The following TENM3 variants were observed in gnomAD, a reference collection of about 807,000 sequenced individuals.
TENM3 encodes the protein teneurin-3.
TENM3 carries 63 observed loss-of-function variants against 255.1 expected under a neutral mutation model. The observed-to-expected ratio is 0.25, with a 90% CI of 0.20 to 0.30. The LOEUF (loss-of-function observed/expected upper bound fraction) is 0.30, where lower values mean the gene tolerates loss of function less well. Among genes scored for constraint, TENM3 ranks in the 10% least tolerant of loss-of-function variants. TENM3 has a pLI of 1.00. For synonymous variants in TENM3, 1,306 were observed against 1,322.3 expected, an observed-to-expected ratio of 0.99 and a Z score of 0.27; for missense variants, 2,929 against 3,461.1, an observed-to-expected ratio of 0.85 and a Z score of 3.86.
At position 182,722,941 on chromosome 4, in the gene TENM3, C is replaced by T. The variant is rs113672820; in HGVS notation, c.2369-6024C>T. Among the ~76,000 whole-genome samples the T allele has an allele frequency of 3.1e-3, 479 of 152,264 alleles. 1 individual carries two copies. Among genetic ancestry groups the T allele is most frequent in the African/African-American group, 0.011 (452 of 41,552 alleles). On this transcript the variant is annotated intron_variant, in intron 13 of 27. Transcript: ENST00000511685. ...GGAAGAGACGAGGAGTCCAGGATAA[C>T]GTTCAGGTTTCTATGAGAAGCTGAG...
chr4:182,787,672 C>CA (rs1223508018), intron 24 of TENM3, among the ~76,000 whole-genome samples: 1 of 141,602 alleles, frequency 7.1e-6, no homozygotes, highest in African/African-American at 2.6e-5. Context: ...GAGGCGGAGG[C>CA]TGCAGTGAGC....
At chr4:181,650,421 T>C in the TENM3 span, among the ~76,000 whole-genome samples, 6 of 152,208 alleles carry the variant, frequency 3.9e-5, no homozygotes, top group African/African-American at 1.4e-4. Context: ...CATGTAGGGC[T>C]TGTTAGACCT....
intron 3 of TENM3, among the ~76,000 whole-genome samples, chr4:182,418,292 T>C (rs543442145): frequency 3.3e-5 from 5 of 152,324 alleles, no homozygotes; most frequent in African/African-American, 1.2e-4. Context: ...AGCAAGTCAG[T>C]ATAACAAGTC....
intron 1 of TENM3, among the ~76,000 whole-genome samples, chr4:182,303,752 G>A (rs1336513080): frequency 6.6e-6 from 1 of 152,030 alleles, no homozygotes; most frequent in Admixed American, 6.6e-5. Flanking sequence ...CATGTAAAGT[G>A]GACATTTAAT....
At chr4:182,219,606 A>G (rs899127321) in intron 1 of TENM3, among the ~76,000 whole-genome samples, 5 of 152,148 alleles carry the variant, frequency 3.3e-5, no homozygotes, top group Admixed American at 6.5e-5. Flanking sequence ...CTGAGGCTGC[A>G]GTGAGTCATC....
At chr4:182,022,384 G>A in the TENM3 span, among the ~76,000 whole-genome samples, 4 of 152,086 alleles carry the variant, frequency 2.6e-5, no homozygotes, top group African/African-American at 7.2e-5. Flanking sequence ...CAGACACTGG[G>A]CATGTTAAAA....
the TENM3 span, among the ~76,000 whole-genome samples, chr4:181,785,666 A>G: frequency 5.3e-5 from 8 of 152,072 alleles, no homozygotes; most frequent in Non-Finnish European, 1.0e-4. Context: ...ATGCTTAGCT[A>G]GTGAGTATAA....
the TENM3 span, among the ~76,000 whole-genome samples, chr4:181,602,265 A>G: frequency 6.6e-6 from 1 of 152,228 alleles, no homozygotes; most frequent in Non-Finnish European, 1.5e-5. Flanking sequence ...ATTTAAAAGA[A>G]ATTCCATTGA....
At chr4:181,974,543 G>A in the TENM3 span, among the ~76,000 whole-genome samples, 2 of 151,980 alleles carry the variant, frequency 1.3e-5, no homozygotes, top group South Asian at 4.2e-4. Flanking sequence ...ACTCCAGCCT[G>A]GGCAACAGAG....
chr4:181,888,192 G>A, the TENM3 span, among the ~76,000 whole-genome samples: 1 of 151,742 alleles, frequency 6.6e-6, no homozygotes, highest in East Asian at 1.9e-4. Flanking sequence ...ACCACGCCAG[G>A]CTAATTTTCG....
At chr4:181,832,096 A>G in the TENM3 span, among the ~76,000 whole-genome samples, 1 of 151,970 alleles carries the variant, frequency 6.6e-6, no homozygotes, top group East Asian at 1.9e-4. Flanking sequence ...AGGAAGCCAT[A>G]GGTAATTATA....
chr4:182,105,119 G>A, the TENM3 span, among the ~76,000 whole-genome samples: 31 of 152,158 alleles, frequency 2.0e-4, no homozygotes, highest in Admixed American at 1.2e-3. Context: ...AGGCTGAAGC[G>A]GGAGGATTGG....
chr4:181,742,141 T>C, the TENM3 span, among the ~76,000 whole-genome samples: 1 of 152,124 alleles, frequency 6.6e-6, no homozygotes, highest in Non-Finnish European at 1.5e-5. Flanking sequence ...TTTTAAAACA[T>C]GTAGATTTAT....
At chr4:181,801,335 G>T in the TENM3 span, among the ~76,000 whole-genome samples, 1 of 152,096 alleles carries the variant, frequency 6.6e-6, no homozygotes, top group East Asian at 1.9e-4. Context: ...GTCTATAGAT[G>T]TGTGCAATAG....
At chr4:181,495,624 G>T in the TENM3 span, among the ~76,000 whole-genome samples, 16 of 152,108 alleles carry the variant, frequency 1.1e-4, no homozygotes, top group African/African-American at 3.1e-4. Context: ...AATGGTGTAT[G>T]ACGACGACAC....
At chr4:181,834,922 G>C in the TENM3 span, 120 of 152,278 alleles carry the variant, frequency 7.9e-4, no homozygotes, top group Admixed American at 2.6e-3. Flanking sequence ...TATCTAAACA[G>C]AAATCAACAT....
At chr4:182,384,486 T>C (rs1767777582) in intron 3 of TENM3, among the ~76,000 whole-genome samples, 1 of 152,174 alleles carries the variant, frequency 6.6e-6, no homozygotes, top group African/African-American at 2.4e-5. Flanking sequence ...CCAAAATCAT[T>C]TGTACTAAAG....
chr4:181,532,852 A>G, the TENM3 span, among the ~76,000 whole-genome samples: 1 of 152,178 alleles, frequency 6.6e-6, no homozygotes, highest in African/African-American at 2.4e-5. Context: ...AATAACATTT[A>G]TTTTCAGCAT....
At chr4:182,556,801 A>C (rs2151953988) in intron 3 of TENM3, among the ~76,000 whole-genome samples, 1 of 152,300 alleles carries the variant, frequency 6.6e-6, no homozygotes, top group South Asian at 2.1e-4. Flanking sequence ...TTACTATATA[A>C]AGAATAGGCA....
Sources: allele counts gnomAD v4.1 joint callset (sites outside exome capture counted in the v4.1 genomes callset), GRCh38; gene constraint gnomAD v4.1.1; transcripts MANE v1.5; gene names NCBI Gene and HGNC (gene_info 2026-07-23, HGNC 2026-07-21).